SPATA17: variants seen among roughly 807,000 people sequenced by gnomAD.
SPATA17 encodes the protein spermatogenesis-associated protein 17.
A neutral mutation model predicts 62.2 loss-of-function variants in SPATA17; 53 were observed. That is an observed-to-expected ratio of 0.85 (90% CI 0.68 to 1.07). The LOEUF is 1.07. Among genes scored for constraint, SPATA17 ranks in the 50% least tolerant of loss-of-function variants. The pLI, the probability that SPATA17 is intolerant of heterozygous loss-of-function variation, is 0.00. For missense variants in SPATA17, 466 were observed against 425.5 expected (o/e 1.10, Z -0.84); for synonymous variants, 146 against 146.8 (o/e 0.99, Z 0.04).
At position 217,751,801 on chromosome 1, in the gene SPATA17, T is replaced by C. The variant is rs188042078; in HGVS notation, c.519+9703T>C. Among the ~76,000 whole-genome samples, 1,280 of 152,194 alleles carry C rather than the reference T, an allele frequency of 8.4e-3. 10 individuals carry two copies. The highest frequency in any genetic ancestry group is 0.011 in the Non-Finnish European group (771 of 67,982). On this transcript the variant is annotated intron_variant, in intron 6 of 10. Coordinates refer to ENST00000366933, the MANE Select transcript of SPATA17 (RefSeq NM_138796.4). ...CGAAAGAGGCAAGAATAAATAAAAA[T>C]TAATTAAAAGAGAGCCACTTAGGTA...
At chr1:217,673,730 C>G (rs1670883815) in intron 4 of SPATA17, among the ~76,000 whole-genome samples, 1 of 152,096 alleles carries the variant, frequency 6.6e-6, no homozygotes, top group Non-Finnish European at 1.5e-5. Context: ...TCTTAGCCCT[C>G]CAAATACTGG....
At chr1:217,751,178 A>G (rs963183102) in intron 6 of SPATA17, among the ~76,000 whole-genome samples, 30 of 152,356 alleles carry the variant, frequency 2.0e-4, no homozygotes, top group African/African-American at 7.2e-4. Flanking sequence ...GCCTGTATAT[A>G]GAAGCATAAG....
At chr1:217,696,459 C>G (rs150620998) in intron 5 of SPATA17, among the ~76,000 whole-genome samples, 12 of 152,328 alleles carry the variant, frequency 7.9e-5, no homozygotes, top group African/African-American at 2.6e-4. Context: ...TCTTCTGCGT[C>G]GCTCCGCTCA....
intron 1 of SPATA17, among the ~76,000 whole-genome samples, chr1:217,644,655 T>C (rs958636982): frequency 6.6e-6 from 1 of 152,082 alleles, no homozygotes; most frequent in African/African-American, 2.4e-5. Flanking sequence ...ATTTTCTACT[T>C]ATTGTCAGTT....
intron 7 of SPATA17, 46 bp downstream of exon 7, chr1:217,774,583 C>A: frequency 6.5e-7 from 1 of 1,542,586 alleles, no homozygotes; most frequent in Non-Finnish European, 8.8e-7. Flanking sequence ...TTTATTCTTG[C>A]TATTTTTTGC....
At chr1:217,722,765 GTCTACTGGC>G (rs1437442550) in intron 5 of SPATA17, among the ~76,000 whole-genome samples, 1 of 151,980 alleles carries the variant, frequency 6.6e-6, no homozygotes, top group Non-Finnish European at 1.5e-5. Flanking sequence ...ATTCCAAACT[GTCTACTGGC>G]CCATTGTTTT....
chr1:217,793,436 G>A (rs982469133), intron 8 of SPATA17, among the ~76,000 whole-genome samples: 6 of 151,972 alleles, frequency 3.9e-5, no homozygotes, highest in Non-Finnish European at 7.4e-5. Flanking sequence ...TAGCCAGGAT[G>A]GTCTCGATCT....
chr1:217,816,525 C>T (rs1674720942), intron 9 of SPATA17, among the ~76,000 whole-genome samples: 2 of 151,728 alleles, frequency 1.3e-5, no homozygotes, highest in African/African-American at 2.4e-5. Flanking sequence ...ACTTTCTGGT[C>T]ATATTAACTA....
chr1:217,655,022 A>G (rs918882100), intron 3 of SPATA17, among the ~76,000 whole-genome samples: 2 of 152,142 alleles, frequency 1.3e-5, no homozygotes, highest in African/African-American at 4.8e-5. Context: ...ACATAATCTT[A>G]TTACAATATT....
At chr1:217,809,224 T>C (rs1392739417) in intron 9 of SPATA17, among the ~76,000 whole-genome samples, 1 of 151,990 alleles carries the variant, frequency 6.6e-6, no homozygotes, top group Non-Finnish European at 1.5e-5. Flanking sequence ...AGCTAAGACA[T>C]CTTAATTAAA....
At chr1:217,745,599 A>T (rs751157336) in intron 6 of SPATA17, among the ~76,000 whole-genome samples, 3 of 152,170 alleles carry the variant, frequency 2.0e-5, no homozygotes, top group Non-Finnish European at 4.4e-5. Flanking sequence ...TGCAACACTA[A>T]GATTTAATAA....
intron 8 of SPATA17, among the ~76,000 whole-genome samples, chr1:217,784,043 T>C (rs1470642811): frequency 6.6e-6 from 1 of 152,120 alleles, no homozygotes; most frequent in Non-Finnish European, 1.5e-5. Context: ...GCTAAGTAAT[T>C]GGTCTTTAAC....
intron 6 of SPATA17, among the ~76,000 whole-genome samples, chr1:217,752,337 A>C (rs1004922127): frequency 1.3e-5 from 2 of 152,182 alleles, no homozygotes; most frequent in African/African-American, 4.8e-5. Flanking sequence ...AATATTTTTT[A>C]TAATGAGAAA....
chr1:217,701,901 T>G (rs903303588), intron 5 of SPATA17, among the ~76,000 whole-genome samples: 1 of 152,096 alleles, frequency 6.6e-6, no homozygotes, highest in Non-Finnish European at 1.5e-5. Context: ...GAAACTTCAT[T>G]TCTATGATGA....
chr1:217,735,908 T>G (rs912756838), intron 5 of SPATA17, among the ~76,000 whole-genome samples: 4 of 151,700 alleles, frequency 2.6e-5, no homozygotes, highest in African/African-American at 9.7e-5. Flanking sequence ...CTGTATATAA[T>G]TGAGTCATTT....
At chr1:217,657,358 C>T (rs543702354) in intron 3 of SPATA17, among the ~76,000 whole-genome samples, 1 of 152,304 alleles carries the variant, frequency 6.6e-6, no homozygotes, top group African/African-American at 2.4e-5. Flanking sequence ...TTCTTTTACA[C>T]CTCACACTGC....
chr1:217,826,067 T>C (rs1282754204), intron 9 of SPATA17, among the ~76,000 whole-genome samples: 1 of 152,050 alleles, frequency 6.6e-6, no homozygotes, highest in Non-Finnish European at 1.5e-5. Flanking sequence ...TGTAACAATA[T>C]ACTACAGATG....
intron 4 of SPATA17, among the ~76,000 whole-genome samples, chr1:217,681,096 A>T (rs1224014065): frequency 4.6e-5 from 7 of 151,368 alleles, no homozygotes; most frequent in African/African-American, 1.7e-4. Context: ...CTGTGGTGGC[A>T]TGTGTCTGTT....
chr1:217,792,711 G>A (rs1443145809), intron 8 of SPATA17, among the ~76,000 whole-genome samples: 1 of 152,036 alleles, frequency 6.6e-6, no homozygotes, highest in Admixed American at 6.6e-5. Flanking sequence ...TTAAGTTAAA[G>A]GTCTATTAAC....
Sources: allele counts gnomAD v4.1 joint callset (sites outside exome capture counted in the v4.1 genomes callset), GRCh38; gene constraint gnomAD v4.1.1; transcripts MANE v1.5; gene names NCBI Gene and HGNC (gene_info 2026-07-23, HGNC 2026-07-21).